The following GLMN variants were observed in gnomAD, a reference collection of about 807,000 sequenced individuals.
GLMN encodes the protein glomulin.
In GLMN, 75 loss-of-function variants were observed where a neutral mutation model predicts 87.8. The observed-to-expected ratio is 0.85, with a 90% confidence interval of 0.71 to 1.04. GLMN has a LOEUF of 1.04. Ranked by LOEUF, GLMN falls within the 50% of genes least tolerant of loss-of-function variation. The pLI, the probability that GLMN is intolerant of heterozygous loss-of-function variation, is 0.00. For missense variants in GLMN, 588 were observed against 658.8 expected (o/e 0.89, Z 1.18); for synonymous variants, 206 against 221.6 (o/e 0.93, Z 0.63).
At chr1:92,325,343 T>G in the GLMN span, among the ~76,000 whole-genome samples, 1 of 152,126 alleles carries the variant, frequency 6.6e-6, no homozygotes, top group African/African-American at 2.4e-5. Flanking sequence ...TAGAAATATA[T>G]TTCTATAGAG....
the GLMN span, among the ~76,000 whole-genome samples, chr1:92,349,271 A>G: frequency 3.5e-4 from 53 of 152,234 alleles, no homozygotes; most frequent in Non-Finnish European, 2.9e-5. Context: ...TGAATATAAG[A>G]TAATATGTTC....
intron 7 of GLMN, among the ~76,000 whole-genome samples, chr1:92,280,585 A>G (rs1647908821): frequency 6.6e-6 from 1 of 152,246 alleles, no homozygotes; most frequent in Admixed American, 6.5e-5. Flanking sequence ...GCTCCTCACC[A>G]GCAAGGGAAC....
At chr1:92,307,150 T>C in the GLMN span, 16 of 1,415,558 alleles carry the variant, frequency 1.1e-5, no homozygotes, top group Non-Finnish European at 1.5e-5. Flanking sequence ...TAATGTTTCA[T>C]GATAAGAAAA....
At chr1:92,364,555 T>A in the GLMN span, among the ~76,000 whole-genome samples, 1 of 152,270 alleles carries the variant, frequency 6.6e-6, no homozygotes, top group Non-Finnish European at 1.5e-5. Flanking sequence ...CATTTCAAAC[T>A]CTCAAATTTG....
At chr1:92,314,962 T>C in the GLMN span, among the ~76,000 whole-genome samples, 1 of 152,106 alleles carries the variant, frequency 6.6e-6, no homozygotes, top group East Asian at 1.9e-4. Flanking sequence ...CGAGAATCTC[T>C]TGAACCCGAG....
chr1:92,256,301 C>T (rs1654237932), intron 16 of GLMN, among the ~76,000 whole-genome samples: 1 of 151,974 alleles, frequency 6.6e-6, no homozygotes, highest in Admixed American at 6.6e-5. Context: ...CAGACAGATT[C>T]ACAGCCGCAT....
chr1:92,357,852 G>A, the GLMN span, among the ~76,000 whole-genome samples: 1 of 152,198 alleles, frequency 6.6e-6, no homozygotes, highest in African/African-American at 2.4e-5. Flanking sequence ...ATTCTTTAAT[G>A]GCAGACAAAC....
the GLMN span, among the ~76,000 whole-genome samples, chr1:92,304,510 T>G: frequency 3.3e-5 from 5 of 152,250 alleles, no homozygotes; most frequent in African/African-American, 1.2e-4. Context: ...AGTTTGATTT[T>G]ATTTGTAAAT....
intron 7 of GLMN, among the ~76,000 whole-genome samples, chr1:92,284,264 G>A (rs1379024270): frequency 2.6e-5 from 4 of 152,040 alleles, no homozygotes; most frequent in Non-Finnish European, 5.9e-5. Context: ...TACTGGTACC[G>A]AAACAGATAT....
At chr1:92,251,918 C>G (rs1653564669) in intron 16 of GLMN, among the ~76,000 whole-genome samples, 1 of 151,924 alleles carries the variant, frequency 6.6e-6, no homozygotes, top group Non-Finnish European at 1.5e-5. Flanking sequence ...GCCTCAGCCT[C>G]CAGAGTAGCT....
At chr1:92,301,120 T>C (rs1182254361), upstream of GLMN, among the ~76,000 whole-genome samples, 3 of 152,166 alleles carry the variant, frequency 2.0e-5, no homozygotes, top group Admixed American at 6.5e-5. Context: ...TAAAGACTTA[T>C]GTATGTGCAG....
chr1:92,266,915 TG>T (rs1451055202), intron 11 of GLMN, among the ~76,000 whole-genome samples, 174 bp from the exon 12 acceptor site: 2 of 152,170 alleles, frequency 1.3e-5, no homozygotes, highest in Non-Finnish European at 2.9e-5. Context: ...TAACTACAAT[TG>T]ATTTTTTAAG....
intron 16 of GLMN, among the ~76,000 whole-genome samples, chr1:92,254,855 AT>A (rs1362754305): frequency 1.3e-5 from 2 of 152,210 alleles, no homozygotes. Flanking sequence ...TGCATAACTA[AT>A]TGGCAAAATA....
At chr1:92,293,592 A>G (rs1649679813) in intron 3 of GLMN, among the ~76,000 whole-genome samples, 2 of 152,192 alleles carry the variant, frequency 1.3e-5, no homozygotes, top group Non-Finnish European at 2.9e-5. Flanking sequence ...ATGATCCAGC[A>G]ATCCCACTGC....
intron 7 of GLMN, among the ~76,000 whole-genome samples, chr1:92,283,389 T>C (rs1648321112): frequency 6.6e-6 from 1 of 152,342 alleles, no homozygotes; most frequent in South Asian, 2.1e-4. Flanking sequence ...TCTTAATAGA[T>C]GCAGAAAAGG....
chr1:92,323,147 T>A, the GLMN span, among the ~76,000 whole-genome samples: 2,758 of 149,362 alleles, frequency 0.018, 75 homozygotes, highest in African/African-American at 0.061. Flanking sequence ...TCAAGTTTTT[T>A]AAAAAGTTTT....
In GLMN at chr1:92,251,932, A is replaced by G. The variant is rs564408088; in HGVS notation, c.1474-3943T>C. ...TGCCTCAGCCTCCAGAGTAGCTGGG[A>G]TTATAAGCGTCTGCCACCATGCCCA... On this transcript the variant is annotated intron_variant, in intron 16 of 18. Transcript: ENST00000370360. 6.6e-5 allele frequency among the ~76,000 whole-genome samples: 10 copies of G among 151,982 alleles called. No homozygotes were observed. The South Asian group carries it at 2.1e-3, about 32-fold the overall frequency.
the GLMN span, among the ~76,000 whole-genome samples, chr1:92,336,780 A>T: frequency 6.6e-6 from 1 of 152,146 alleles, no homozygotes; most frequent in Non-Finnish European, 1.5e-5. Context: ...GGGTAATGTA[A>T]AAGAAACATA....
Position 92,290,217 on chromosome 1 carries a change from C to T in GLMN, c.375G>A (p.Leu125=), listed in dbSNP as rs148874657. 1.1e-5 allele frequency: 18 copies of T among 1,598,068 alleles called. No homozygotes were observed. In the Middle Eastern group the frequency reaches 6.6e-4, roughly 59 times the overall value. The change falls in exon 5 of 19, where the codon TTG becomes TTA. Residue 125 remains leucine, a synonymous_variant. Transcript: ENST00000370360. ...CATTACCTGTTTGTAATGGCTGAAG[C>T]AAAAGAAGAATACTTTGGGATATCT... The part of the protein sequence containing the change: ...GKQISQSILL[L]LQPLQTVIQK...
Sources: allele counts gnomAD v4.1 joint callset (sites outside exome capture counted in the v4.1 genomes callset), GRCh38; gene constraint gnomAD v4.1.1; transcripts MANE v1.5; gene names NCBI Gene and HGNC (gene_info 2026-07-23, HGNC 2026-07-21).